PTPRD: variants seen among roughly 807,000 people sequenced by gnomAD.
The protein encoded by PTPRD is receptor-type tyrosine-protein phosphatase delta.
PTPRD carries 34 observed loss-of-function variants against 214.5 expected under a neutral mutation model. The observed-to-expected ratio is 0.16, with a 90% CI of 0.12 to 0.21. The LOEUF is 0.21. Among genes scored for constraint, PTPRD ranks in the 10% least tolerant of loss-of-function variants. PTPRD has a pLI of 1.00. For synonymous variants in PTPRD, 1,128 were observed against 845.7 expected (o/e 1.33, Z -5.79); for missense variants, 2,545 against 2,398.7 (o/e 1.06, Z -1.27).
chr9:8,550,626 G>C (rs933881798), intron 14 of PTPRD, among the ~76,000 whole-genome samples: 2 of 152,164 alleles, frequency 1.3e-5, no homozygotes, highest in African/African-American at 4.8e-5. Flanking sequence ...AATTAAAGAA[G>C]AGATCATGAT....
rs137980131 is a variant in PTPRD at position 10,420,643 on chromosome 9, A to T, written c.-599-79626T>A. Among the ~76,000 whole-genome samples the T allele has an allele frequency of 9.4e-4, 143 of 151,970 alleles. 4 individuals are homozygous for T. The East Asian group carries it at 0.027, about 28-fold the overall frequency. ...GCATACTCCTTGGTTATTTTCTTAT[A>T]CCGAATTCTCAACTGAACTCCTAAT... On this transcript the variant is annotated intron_variant, in intron 2 of 45. Coordinates refer to ENST00000381196, the MANE Select transcript of PTPRD (RefSeq NM_002839.4).
intron 11 of PTPRD, among the ~76,000 whole-genome samples, chr9:8,959,031 G>A (rs1391353998): frequency 6.6e-6 from 1 of 151,984 alleles, no homozygotes; most frequent in Admixed American, 6.6e-5. Context: ...GAGGAAGCAC[G>A]TATCTGATTC....
At chr9:9,576,409 T>A (rs72706539) in intron 7 of PTPRD, among the ~76,000 whole-genome samples, 4 of 152,046 alleles carry the variant, frequency 2.6e-5, no homozygotes, top group Admixed American at 2.6e-4. Flanking sequence ...CCGGGCTCAT[T>A]TGTACAGTAT....
intron 10 of PTPRD, among the ~76,000 whole-genome samples, chr9:9,044,907 C>G (rs2099667390): frequency 6.6e-6 from 1 of 152,128 alleles, no homozygotes; most frequent in African/African-American, 2.4e-5. Flanking sequence ...CAACCCAAGA[C>G]AGCACTAGTC....
intron 2 of PTPRD, among the ~76,000 whole-genome samples, chr9:10,417,658 A>G (rs80198426): frequency 0.043 from 6,563 of 151,858 alleles, 207 homozygotes; most frequent in East Asian, 0.093. Flanking sequence ...AATGCATGTT[A>G]TTACTTAATA....
At chr9:8,493,099 C>T (rs2097183970) in intron 26 of PTPRD, 120 bp from the exon 27 acceptor site, 2 of 804,212 alleles carry the variant, frequency 2.5e-6, no homozygotes, top group South Asian at 1.7e-5. Flanking sequence ...CCATGCTAAG[C>T]CCTGGAAATT....
chr9:8,690,592 A>G (rs2097782977), intron 12 of PTPRD, among the ~76,000 whole-genome samples: 1 of 152,048 alleles, frequency 6.6e-6, no homozygotes, highest in Non-Finnish European at 1.5e-5. Context: ...GGCTAATTTT[A>G]TTCAAGAGAA....
chr9:8,898,944 A>C (rs1223215351), intron 11 of PTPRD, among the ~76,000 whole-genome samples: 1 of 152,196 alleles, frequency 6.6e-6, no homozygotes, highest in East Asian at 1.9e-4. Context: ...TATAACTAGG[A>C]AGGCAAATAG....
intron 7 of PTPRD, among the ~76,000 whole-genome samples, chr9:9,731,078 T>TTC (rs2098182516): frequency 1.3e-5 from 2 of 152,118 alleles, no homozygotes; most frequent in African/African-American, 4.8e-5. Context: ...AGTGAAAAAA[T>TTC]GCTGCAATAA....
At chr9:9,720,345 A>G (rs1047922658) in intron 7 of PTPRD, among the ~76,000 whole-genome samples, 1 of 152,344 alleles carries the variant, frequency 6.6e-6, no homozygotes, top group Admixed American at 6.5e-5. Flanking sequence ...AAAGAGCCCT[A>G]CAACTGAATC....
At chr9:10,422,658 A>G (rs1291710094) in intron 2 of PTPRD, among the ~76,000 whole-genome samples, 4 of 152,202 alleles carry the variant, frequency 2.6e-5, no homozygotes, top group Admixed American at 6.5e-5. Flanking sequence ...ATGAACACAC[A>G]CTTCTGAAAA....
At chr9:9,286,287 T>G (rs1949336215) in intron 9 of PTPRD, among the ~76,000 whole-genome samples, 1 of 151,834 alleles carries the variant, frequency 6.6e-6, no homozygotes, top group South Asian at 2.1e-4. Flanking sequence ...TTTTAAAAAT[T>G]TTACTTGCTT....
intron 36 of PTPRD, among the ~76,000 whole-genome samples, chr9:8,398,818 A>AGAC (rs2129759434): frequency 6.6e-6 from 1 of 152,286 alleles, no homozygotes; most frequent in South Asian, 2.1e-4. Context: ...TAGACTTCCC[A>AGAC]GACTCTAGAA....
At chr9:10,450,415 T>C (rs942602913) in intron 2 of PTPRD, among the ~76,000 whole-genome samples, 16 of 151,996 alleles carry the variant, frequency 1.1e-4, no homozygotes, top group African/African-American at 3.6e-4. Context: ...TATAAGCAAT[T>C]TGTATTATTT....
At chr9:9,099,627 C>T (rs986569576) in intron 10 of PTPRD, among the ~76,000 whole-genome samples, 1 of 152,070 alleles carries the variant, frequency 6.6e-6, no homozygotes, top group African/African-American at 2.4e-5. Context: ...TTATAGGATG[C>T]ATTTCTACAA....
chr9:10,175,887 T>C (rs1564331755), intron 3 of PTPRD, among the ~76,000 whole-genome samples: 1 of 151,996 alleles, frequency 6.6e-6, no homozygotes, highest in Admixed American at 6.6e-5. Flanking sequence ...AATCTCCACA[T>C]GGATACAATA....
intron 3 of PTPRD, among the ~76,000 whole-genome samples, chr9:10,089,649 G>A (rs2098405390): frequency 6.6e-6 from 1 of 151,614 alleles, no homozygotes; most frequent in African/African-American, 2.4e-5. Context: ...TCATACAACA[G>A]AATAAGGTAT....
chr9:9,376,263 C>T (rs2060779760), intron 9 of PTPRD, among the ~76,000 whole-genome samples: 1 of 152,034 alleles, frequency 6.6e-6, no homozygotes, highest in Non-Finnish European at 1.5e-5. Context: ...TTCTCTATGG[C>T]AAACAAATGC....
At chr9:9,442,193 T>G (rs567940052) in intron 8 of PTPRD, 1 of 152,168 alleles carries the variant, frequency 6.6e-6, no homozygotes, top group Non-Finnish European at 1.5e-5. Flanking sequence ...GGCATCAATA[T>G]GGTGACCTCC....
Sources: gnomAD v4.1 joint callset for allele counts (sites outside exome capture counted in the v4.1 genomes callset) on GRCh38, gnomAD v4.1.1 for gene constraint, MANE v1.5 for transcripts, NCBI Gene and HGNC (gene_info 2026-07-23, HGNC 2026-07-21) for gene names.